The following EPHA6 variants were observed in gnomAD, a reference collection of about 807,000 sequenced individuals.
EPHA6 encodes the protein ephrin type-A receptor 6.
Under a neutral mutation model 112.0 loss-of-function variants are expected in EPHA6, and 50 were observed. The ratio of observed to expected loss-of-function variants is 0.45; its 90% CI spans 0.36 to 0.56. EPHA6 has a LOEUF of 0.56. Among genes scored for constraint, EPHA6 ranks in the 20% least tolerant of loss-of-function variants. EPHA6 has a pLI of 0.00. For missense variants in EPHA6, 1,280 were observed against 1,417.4 expected (o/e 0.90, Z 1.56); for synonymous variants, 529 against 490.7 (o/e 1.08, Z -1.03).
chr3:97,691,417 G>C (rs1359845654), intron 14 of EPHA6, among the ~76,000 whole-genome samples: 2 of 152,108 alleles, frequency 1.3e-5, no homozygotes, highest in Non-Finnish European at 2.9e-5. Flanking sequence ...TTCAGCTGTT[G>C]TGGGCCCCTT....
At chr3:97,652,160 G>A (rs147829580) in intron 14 of EPHA6, among the ~76,000 whole-genome samples, 4 of 152,078 alleles carry the variant, frequency 2.6e-5, no homozygotes, top group East Asian at 1.9e-4. Context: ...ATGCTTAATC[G>A]CTAGTTTCAT....
chr3:97,514,869 G>A (rs543884219), intron 10 of EPHA6, among the ~76,000 whole-genome samples: 38 of 152,256 alleles, frequency 2.5e-4, no homozygotes, highest in African/African-American at 7.7e-4. Context: ...AGCCGAACTG[G>A]CCAGCACCTC....
At chr3:97,417,507 G>C (rs576906269) in intron 6 of EPHA6, among the ~76,000 whole-genome samples, 3 of 152,088 alleles carry the variant, frequency 2.0e-5, no homozygotes, top group Admixed American at 1.3e-4. Context: ...ATTTTGCAAG[G>C]CTCTTTCTTT....
intron 3 of EPHA6, among the ~76,000 whole-genome samples, chr3:97,008,616 T>G (rs927155027): frequency 6.6e-6 from 1 of 152,188 alleles, no homozygotes; most frequent in Admixed American, 6.5e-5. Context: ...TTCTGTCAAT[T>G]TATCCATCTT....
chr3:97,094,471 T>A (rs2047176397), intron 3 of EPHA6, among the ~76,000 whole-genome samples: 2 of 152,152 alleles, frequency 1.3e-5, no homozygotes, highest in African/African-American at 4.8e-5. Context: ...CAAGCAACAA[T>A]TTAACATCAG....
intron 1 of EPHA6, among the ~76,000 whole-genome samples, chr3:96,824,683 G>C (rs188313094): frequency 2.0e-5 from 3 of 152,098 alleles, no homozygotes; most frequent in Non-Finnish European, 4.4e-5. Context: ...AAATATCAAA[G>C]TTACATGTAT....
At position 97,208,561 on chromosome 3, in the gene EPHA6, C is replaced by T. The variant is rs142757274; in HGVS notation, c.1115-17703C>T. Among the ~76,000 whole-genome samples the T allele has an allele frequency of 3.4e-3, 514 of 152,106 alleles. 4 individuals carry two copies. Among genetic ancestry groups the T allele is most frequent in the African/African-American group, 0.011 (465 of 41,496 alleles). ...AGGAGTTCAAGACCAGCTTGGGCAA[C>T]ATGGTGAAACCCCGTCTCTACTAAA... is the stretch of plus-strand genomic sequence containing the variant. On this transcript the variant is annotated intron_variant, in intron 3 of 17. Transcript: ENST00000389672.
At chr3:97,477,615 T>C (rs2091412977) in intron 8 of EPHA6, among the ~76,000 whole-genome samples, 1 of 152,148 alleles carries the variant, frequency 6.6e-6, no homozygotes, top group Non-Finnish European at 1.5e-5. Flanking sequence ...GACAATTTGG[T>C]TAAGAAAATC....
chr3:97,231,964 C>T (rs889097340), intron 4 of EPHA6, among the ~76,000 whole-genome samples: 1 of 151,968 alleles, frequency 6.6e-6, no homozygotes, highest in Non-Finnish European at 1.5e-5. Context: ...TCAGAGAAAT[C>T]TCCTATTTGT....
At chr3:97,502,113 A>G (rs2092134054) in intron 10 of EPHA6, among the ~76,000 whole-genome samples, 1 of 151,266 alleles carries the variant, frequency 6.6e-6, no homozygotes, top group Non-Finnish European at 1.5e-5. Flanking sequence ...CAATTGGAGC[A>G]TGATAACATT....
chr3:97,462,214 T>A (rs996683543), intron 7 of EPHA6, among the ~76,000 whole-genome samples: 3 of 152,144 alleles, frequency 2.0e-5, no homozygotes, highest in African/African-American at 7.2e-5. Flanking sequence ...CTTATGATTA[T>A]TTTGAAGACT....
At chr3:97,014,972 G>A (rs2044216098) in intron 3 of EPHA6, among the ~76,000 whole-genome samples, 1 of 152,134 alleles carries the variant, frequency 6.6e-6, no homozygotes, top group African/African-American at 2.4e-5. Context: ...AGATAAAAGT[G>A]TTAATTCTAA....
chr3:97,551,257 T>C (rs2093025111), intron 11 of EPHA6, among the ~76,000 whole-genome samples: 1 of 152,202 alleles, frequency 6.6e-6, no homozygotes, highest in South Asian at 2.1e-4. Context: ...TCAATCCTAG[T>C]TGTGAAATGA....
rs149359599 is a variant in EPHA6, at chr3:96,819,798, A to G, written c.385+4790A>G. On this transcript the variant is annotated intron_variant, in intron 1 of 17. Coordinates refer to ENST00000389672, the MANE Select transcript of EPHA6 (RefSeq NM_001080448.3). ...CTGTTCTTGCATTATTTTATTGAGT[A>G]TTGTGTTTTGTAAACTAAAATTTGG... is the stretch of plus-strand genomic sequence containing the variant. 6.2e-3 allele frequency among the ~76,000 whole-genome samples: 943 copies of G among 152,246 alleles called. 2 individuals carry two copies. Among genetic ancestry groups the G allele is most frequent in the Middle Eastern group, 0.017 (5 of 294 alleles).
intron 11 of EPHA6, among the ~76,000 whole-genome samples, chr3:97,548,892 A>G (rs1046534904): frequency 2.0e-5 from 3 of 152,226 alleles, no homozygotes; most frequent in African/African-American, 7.2e-5. Context: ...TGGATTGCAC[A>G]TACGAAGGTG....
Position 97,014,192 on chromosome 3 carries a change from T to C in EPHA6, c.1114+26199T>C, listed in dbSNP as rs571331753. Among the ~76,000 whole-genome samples, 22 of 152,232 alleles carry C rather than the reference T, an allele frequency of 1.4e-4. 1 individual carries two copies. Among genetic ancestry groups the C allele is most frequent in the Non-Finnish European group, 2.6e-4 (18 of 68,014 alleles). On this transcript the variant is annotated intron_variant, in intron 3 of 17. Transcript: ENST00000389672. Reference sequence around the variant, plus strand: ...AGAGATAAAAAGAGCGATAGATAGGTCAATAGATATCCAACTCATTCATTC... The same window carrying C: ...AGAGATAAAAAGAGCGATAGATAGGCCAATAGATATCCAACTCATTCATTC...
At chr3:97,494,022 A>G (rs1337685239) in intron 10 of EPHA6, among the ~76,000 whole-genome samples, 2 of 152,236 alleles carry the variant, frequency 1.3e-5, no homozygotes, top group Non-Finnish European at 2.9e-5. Context: ...AATGCTAAAA[A>G]TCAAACTGTT....
At chr3:97,026,010 C>T (rs1576345320) in intron 3 of EPHA6, among the ~76,000 whole-genome samples, 1 of 151,906 alleles carries the variant, frequency 6.6e-6, no homozygotes, top group East Asian at 1.9e-4. Flanking sequence ...ATAGGAAATG[C>T]TTGTCTTGTT....
chr3:97,372,032 C>T (rs1395666503), intron 5 of EPHA6, among the ~76,000 whole-genome samples: 1 of 152,008 alleles, frequency 6.6e-6, no homozygotes, highest in Non-Finnish European at 1.5e-5. Context: ...TTAATTTTGC[C>T]CCGGTCCTGT....
Sources: allele counts gnomAD v4.1 joint callset (sites outside exome capture counted in the v4.1 genomes callset), GRCh38; gene constraint gnomAD v4.1.1; transcripts MANE v1.5; gene names NCBI Gene and HGNC (gene_info 2026-07-23, HGNC 2026-07-21).